Variants in TTC6 observed in about 807,000 individuals in gnomAD.
The protein encoded by TTC6 is tetratricopeptide repeat domain 6.
A neutral mutation model predicts 210.4 loss-of-function variants in TTC6; 172 were observed. The observed-to-expected ratio is 0.82, with a 90% CI of 0.72 to 0.93. The LOEUF is 0.93. TTC6 is among the 40% of genes least tolerant of loss of function. The pLI is 0.00. For synonymous variants in TTC6, 804 were observed against 819.6 expected (o/e 0.98, Z 0.32); for missense variants, 2,414 against 2,318.1 (o/e 1.04, Z -0.85).
At chr14:37,797,151 A>G (rs1297201245) in intron 20 of TTC6, among the ~76,000 whole-genome samples, 1 of 152,034 alleles carries the variant, frequency 6.6e-6, no homozygotes, top group Admixed American at 6.6e-5. Context: ...GTATTCAGTC[A>G]GCATGTGGAG....
chr14:37,799,764 A>G (rs190280789), intron 20 of TTC6, among the ~76,000 whole-genome samples: 3 of 152,204 alleles, frequency 2.0e-5, no homozygotes, highest in East Asian at 3.9e-4. Context: ...ATGCAGCCAT[A>G]AGGAAACGAA....
At chr14:37,768,593 C>A (rs2096006952) in intron 14 of TTC6, among the ~76,000 whole-genome samples, 8 of 151,904 alleles carry the variant, frequency 5.3e-5, no homozygotes, top group Admixed American at 5.2e-4. Flanking sequence ...CATGATTTGG[C>A]TCTCTGTTTG....
chr14:37,701,688 A>C (rs1037102826), intron 5 of TTC6, among the ~76,000 whole-genome samples, 162 bp downstream of exon 7: 4 of 152,158 alleles, frequency 2.6e-5, no homozygotes, highest in East Asian at 1.9e-4. Context: ...TATACAGTCT[A>C]GGTCTGTGTC....
At chr14:37,694,301 G>A (rs1466593620) in intron 3 of TTC6, among the ~76,000 whole-genome samples, 1 of 152,146 alleles carries the variant, frequency 6.6e-6, no homozygotes, top group Non-Finnish European at 1.5e-5. Context: ...CAAAAGATTT[G>A]AATATACATT....
In TTC6 at chr14:37,752,123, C is replaced by G. The variant is rs1265212045; in HGVS notation, c.3129+898C>G. Among the ~76,000 whole-genome samples the G allele has an allele frequency of 2.6e-5, 4 of 152,112 alleles. No individual in the cohort carries two copies. In the South Asian group the frequency reaches 6.2e-4, roughly 24 times the overall value. On this transcript the variant is annotated intron_variant, in intron 13 of 30. Transcript: ENST00000553443. ...TACAGGCGTGAGCCACCGTGCCCGGCCAGGAAATGAACTTTTAACTGAACC... is the reference window on the plus strand; with the variant it reads ...TACAGGCGTGAGCCACCGTGCCCGGGCAGGAAATGAACTTTTAACTGAACC...
chr14:37,616,736 T>C (rs930280607), intron 2 of TTC6, among the ~76,000 whole-genome samples: 4 of 100,582 alleles, frequency 4.0e-5, no homozygotes, highest in Non-Finnish European at 7.8e-5. Flanking sequence ...TGATACTCCA[T>C]CTCAAAAAAA....
At position 37,814,523 on chromosome 14, in the gene TTC6, C is replaced by CA. The variant is rs575455888; in HGVS notation, c.4689+2094dup. The stretch of plus-strand genomic sequence containing the variant: ...GAAAAGAAATGATAATATAGAAGAC[C>CA]AAAATCCAGCCACACCAGTAGTTAT... On this transcript the variant is annotated intron_variant, in intron 25 of 30. Transcript: ENST00000553443. Among the ~76,000 whole-genome samples the CA allele has an allele frequency of 5.3e-5, 8 of 152,000 alleles. No individual in the cohort carries two copies. In the South Asian group the frequency reaches 1.7e-3, roughly 32 times the overall value.
intron 7 of TTC6, among the ~76,000 whole-genome samples, chr14:37,733,293 T>A (rs548559373): frequency 6.6e-6 from 1 of 152,272 alleles, no homozygotes; most frequent in South Asian, 2.1e-4. Flanking sequence ...ACCCATATAT[T>A]TATCTCTTTT....
At chr14:37,691,350 CAAA>C (rs1197087110) in intron 3 of TTC6, among the ~76,000 whole-genome samples, 1 of 151,620 alleles carries the variant, frequency 6.6e-6, no homozygotes, top group Non-Finnish European at 1.5e-5. Flanking sequence ...AAACAACAAA[CAAA>C]AAAACACAAT....
At chr14:37,747,769 A>T (rs1468100331) in intron 10 of TTC6, among the ~76,000 whole-genome samples, 1 of 152,192 alleles carries the variant, frequency 6.6e-6, no homozygotes, top group Non-Finnish European at 1.5e-5. Context: ...CAAACGAAAC[A>T]TATCTGGCAC....
At chr14:37,842,067 A>G in intron 30 of TTC6, 88 bp from the exon 33 acceptor site, 1 of 1,252,760 alleles carries the variant, frequency 8.0e-7, no homozygotes, top group Non-Finnish European at 1.1e-6. Context: ...AATTTTTTTA[A>G]AAGTTCTTAT....
chr14:37,751,892 C>T (rs897716760), intron 13 of TTC6, among the ~76,000 whole-genome samples: 12 of 145,314 alleles, frequency 8.3e-5, no homozygotes, highest in Non-Finnish European at 1.8e-4. Flanking sequence ...GGTGCGATCT[C>T]GGCTCACTGC....
chr14:37,715,162 C>T (rs745937547), intron 6 of TTC6, among the ~76,000 whole-genome samples: 1 of 151,788 alleles, frequency 6.6e-6, no homozygotes, highest in South Asian at 2.1e-4. Flanking sequence ...AGAGAGAGTC[C>T]CTGTCTCAAA....
intron 1 of TTC6, among the ~76,000 whole-genome samples, chr14:37,663,996 T>TC (rs1456112101): frequency 3.7e-5 from 5 of 136,032 alleles, no homozygotes; most frequent in Admixed American, 1.4e-4. Context: ...CTCAAAGAAA[T>TC]CAGAGATGAC....
intron 3 of TTC6, among the ~76,000 whole-genome samples, chr14:37,695,553 A>G (rs1307944269): frequency 1.3e-5 from 2 of 152,134 alleles, no homozygotes; most frequent in Admixed American, 1.3e-4. Flanking sequence ...GGGTTTCTCC[A>G]TGTTGGTCAG....
intron 14 of TTC6, among the ~76,000 whole-genome samples, chr14:37,784,077 C>T (rs909869168): frequency 1.1e-4 from 16 of 152,158 alleles, no homozygotes; most frequent in African/African-American, 3.1e-4. Context: ...GGAATAAGTC[C>T]GATGTGGTGC....
intron 29 of TTC6, among the ~76,000 whole-genome samples, chr14:37,829,381 T>C (rs2096179531): frequency 6.6e-6 from 1 of 151,962 alleles, no homozygotes. Context: ...TTGGCTTTTT[T>C]TCAGTTTTTG....
At chr14:37,599,154 C>T (rs560246859) in intron 1 of TTC6, among the ~76,000 whole-genome samples, 11 of 152,162 alleles carry the variant, frequency 7.2e-5, no homozygotes, top group Non-Finnish European at 1.6e-4. Flanking sequence ...GGGGAAGGGG[C>T]CAGGGAGCCG....
At chr14:37,835,088 C>T (rs886811707) in intron 29 of TTC6, among the ~76,000 whole-genome samples, 3 of 152,116 alleles carry the variant, frequency 2.0e-5, no homozygotes, top group African/African-American at 7.2e-5. Context: ...CCATTGCAGG[C>T]AGTGGTTTTT....
Sources: allele counts gnomAD v4.1 joint callset (sites outside exome capture counted in the v4.1 genomes callset), GRCh38; gene constraint gnomAD v4.1.1; transcripts MANE v1.5; gene names NCBI Gene and HGNC (gene_info 2026-07-23, HGNC 2026-07-21).